Variants in NRG1 observed in about 807,000 individuals in gnomAD.
NRG1 encodes the protein pro-neuregulin-1, membrane-bound isoform.
Under a neutral mutation model 63.8 loss-of-function variants are expected in NRG1, and 18 were observed. The ratio of observed to expected loss-of-function variants is 0.28; its 90% CI spans 0.19 to 0.42. NRG1 has a LOEUF of 0.42. Ranked by LOEUF, NRG1 falls within the 10% of genes least tolerant of loss-of-function variation. The pLI is 1.00. For synonymous variants in NRG1, 302 were observed against 301.3 expected (o/e 1.00, Z -0.02); for missense variants, 762 against 814.7 (o/e 0.94, Z 0.79).
intron 1 of NRG1, among the ~76,000 whole-genome samples, chr8:32,580,111 G>C (rs897557140): frequency 2.0e-5 from 3 of 152,172 alleles, no homozygotes; most frequent in Non-Finnish European, 4.4e-5. Flanking sequence ...TAAGCAACTT[G>C]AACATCTATG....
At chr8:31,983,840 G>T (rs1318403445) in intron 1 of NRG1, among the ~76,000 whole-genome samples, 1 of 152,060 alleles carries the variant, frequency 6.6e-6, no homozygotes, top group African/African-American at 2.4e-5. Flanking sequence ...TAAAGATAAT[G>T]ACCACAAGTT....
At chr8:31,652,037 C>T (rs1194979184) in intron 1 of NRG1, among the ~76,000 whole-genome samples, 2 of 152,232 alleles carry the variant, frequency 1.3e-5, no homozygotes, top group Non-Finnish European at 2.9e-5. Context: ...AATAATGACT[C>T]TACCCTCACT....
chr8:32,721,993 G>C (rs1820766796), intron 5 of NRG1: 1 of 1,547,382 alleles, frequency 6.5e-7, no homozygotes, highest in African/African-American at 1.4e-5. Flanking sequence ...ACTTCAAAGA[G>C]CAGGAAAGTA....
At chr8:31,976,337 C>A (rs1808169164) in intron 1 of NRG1, among the ~76,000 whole-genome samples, 1 of 152,082 alleles carries the variant, frequency 6.6e-6, no homozygotes, top group Non-Finnish European at 1.5e-5. Flanking sequence ...CTCCCTTCAT[C>A]TTTGTAGGTT....
intron 5 of NRG1, among the ~76,000 whole-genome samples, chr8:32,700,053 A>G (rs1433418706): frequency 6.6e-6 from 1 of 152,074 alleles, no homozygotes; most frequent in Non-Finnish European, 1.5e-5. Context: ...CATTCCAAAA[A>G]CAAACCTCAT....
chr8:32,366,559 G>T (rs1395290932), intron 1 of NRG1, among the ~76,000 whole-genome samples: 1 of 150,780 alleles, frequency 6.6e-6, no homozygotes, highest in Non-Finnish European at 1.5e-5. Flanking sequence ...GTAATCCATT[G>T]TATGTATATA....
At chr8:32,737,564 A>T (rs942662547) in intron 6 of NRG1, among the ~76,000 whole-genome samples, 2 of 152,190 alleles carry the variant, frequency 1.3e-5, no homozygotes, top group Non-Finnish European at 2.9e-5. Flanking sequence ...AAATAAAAAA[A>T]AAATTATCTG....
At chr8:32,117,728 A>G (rs1832921267) in intron 1 of NRG1, among the ~76,000 whole-genome samples, 1 of 152,148 alleles carries the variant, frequency 6.6e-6, no homozygotes, top group Non-Finnish European at 1.5e-5. Flanking sequence ...CAAATGCCAC[A>G]CACATATGTA....
chr8:32,054,863 C>CTT (rs543522972), intron 1 of NRG1, among the ~76,000 whole-genome samples: 30 of 64,002 alleles, frequency 4.7e-4, no homozygotes, highest in African/African-American at 1.2e-3. Flanking sequence ...TTCTTTCTTT[C>CTT]TTTTTTTTTT....
At chr8:31,900,517 C>T (rs940830915) in intron 1 of NRG1, among the ~76,000 whole-genome samples, 1 of 152,042 alleles carries the variant, frequency 6.6e-6, no homozygotes, top group Admixed American at 6.6e-5. Context: ...ATCAGAGAAC[C>T]TACAGAAAAC....
intron 1 of NRG1, among the ~76,000 whole-genome samples, chr8:32,043,570 A>G (rs1179799673): frequency 3.9e-5 from 6 of 151,964 alleles, no homozygotes; most frequent in Admixed American, 3.9e-4. Flanking sequence ...GTTATTTAAA[A>G]CACTTGAGAG....
rs937593551 is a variant in NRG1, at chr8:31,958,528, T to G, written c.37+319097T>G. Among the ~76,000 whole-genome samples, 3 of 152,264 alleles carry G rather than the reference T, an allele frequency of 2.0e-5. No homozygotes were observed. In the East Asian group the frequency reaches 5.8e-4, roughly 29 times the overall value. On this transcript the variant is annotated intron_variant, in intron 1 of 10. Transcript: ENST00000519301. ...CTTGCTTAGGAGACAAAGACCAGCA[T>G]AAACTTTTGAGGATCCATCCTACAT...
In NRG1 at chr8:32,731,649, G is replaced by T. The variant is rs115605271; in HGVS notation, c.632+3571G>T. Among the ~76,000 whole-genome samples the T allele has an allele frequency of 5.7e-3, 869 of 152,102 alleles. 8 individuals carry two copies. The highest frequency in any genetic ancestry group is 0.02 in the African/African-American group (849 of 41,496). The stretch of plus-strand genomic sequence containing the variant: ...AACTGTTTTTATTTTTTTAAATCCT[G>T]TATGTAAAATATGTATAGCATTAAA... On this transcript the variant is annotated intron_variant, in intron 6 of 11. Coordinates refer to ENST00000356819, the Ensembl canonical transcript of NRG1.
At chr8:31,684,476 C>CAG (rs1425530315) in intron 1 of NRG1, among the ~76,000 whole-genome samples, 2 of 152,126 alleles carry the variant, frequency 1.3e-5, no homozygotes, top group Non-Finnish European at 1.5e-5. Flanking sequence ...TCGCAGCTTC[C>CAG]AGAACTGCGA....
chr8:32,773,076 A>T (rs1232342323), intron 7 of NRG1, among the ~76,000 whole-genome samples: 2 of 152,196 alleles, frequency 1.3e-5, no homozygotes, highest in African/African-American at 4.8e-5. Flanking sequence ...AAGTCGGAAG[A>T]CCACACAATT....
intron 3 of NRG1, among the ~76,000 whole-genome samples, chr8:32,610,786 T>C (rs1846243395): frequency 6.6e-6 from 1 of 152,176 alleles, no homozygotes; most frequent in Admixed American, 6.5e-5. Flanking sequence ...TCTGGGACAA[T>C]GTAAAGCTTA....
chr8:32,324,087 G>A (rs989875070), intron 1 of NRG1, among the ~76,000 whole-genome samples: 5 of 130,010 alleles, frequency 3.8e-5, no homozygotes, highest in African/African-American at 1.7e-4. Context: ...TTTCATCAAA[G>A]CCCTCAAAAA....
chr8:31,907,368 A>G (rs1318352286), intron 1 of NRG1, among the ~76,000 whole-genome samples: 7 of 140,968 alleles, frequency 5.0e-5, no homozygotes, highest in Admixed American at 4.3e-4. Flanking sequence ...TTTTTTAAGT[A>G]TCCAAACCAG....
chr8:32,145,029 A>G (rs192228367), intron 1 of NRG1, among the ~76,000 whole-genome samples: 352 of 152,274 alleles, frequency 2.3e-3, no homozygotes, highest in Non-Finnish European at 4.1e-3. Context: ...CTGAGATCTT[A>G]TATTTGACTG....
Sources: allele counts gnomAD v4.1 joint callset (sites outside exome capture counted in the v4.1 genomes callset), GRCh38; gene constraint gnomAD v4.1.1; transcripts MANE v1.5; gene names NCBI Gene and HGNC (gene_info 2026-07-23, HGNC 2026-07-21).